MAMDC2: variants seen among roughly 807,000 people sequenced by gnomAD.
MAMDC2 encodes the protein MAM domain-containing protein 2.
In MAMDC2, 57 loss-of-function variants were observed where a neutral mutation model predicts 89.8. The ratio of observed to expected loss-of-function variants is 0.63; its 90% confidence interval spans 0.51 to 0.79. The LOEUF is 0.79. Among genes scored for constraint, MAMDC2 ranks in the 30% least tolerant of loss-of-function variants. The probability of loss-of-function intolerance (pLI) is 0.00; values close to 1 mark genes in which losing one functional copy is unlikely to be tolerated. For synonymous variants in MAMDC2, 313 were observed against 293.4 expected, an observed-to-expected ratio of 1.07 and a Z score of -0.68; for missense variants, 800 against 820.6, an observed-to-expected ratio of 0.97 and a Z score of 0.31.
At chr9:70,221,725 G>A (rs890736632) in intron 12 of MAMDC2, among the ~76,000 whole-genome samples, 5 of 151,984 alleles carry the variant, frequency 3.3e-5, no homozygotes, top group African/African-American at 1.2e-4. Context: ...CATTTTGTGT[G>A]TGTGTGTGTG....
chr9:70,197,609 A>G (rs546366558), intron 11 of MAMDC2, among the ~76,000 whole-genome samples: 3 of 152,156 alleles, frequency 2.0e-5, no homozygotes, highest in Admixed American at 6.6e-5. Context: ...ACGCAGCATT[A>G]AAGTCACCGG....
intron 4 of MAMDC2, among the ~76,000 whole-genome samples, chr9:70,112,231 G>A (rs1828529677): frequency 6.6e-6 from 1 of 152,148 alleles, no homozygotes; most frequent in Admixed American, 6.5e-5. Flanking sequence ...ATTAGCTTGT[G>A]GGTTTCTTGC....
At chr9:70,159,888 A>G (rs2031904994) in intron 9 of MAMDC2, among the ~76,000 whole-genome samples, 1 of 152,094 alleles carries the variant, frequency 6.6e-6, no homozygotes, top group Non-Finnish European at 1.5e-5. Context: ...TTTTTACACA[A>G]AATCACAGGC....
At chr9:70,187,476 A>C (rs2032782492) in intron 11 of MAMDC2, among the ~76,000 whole-genome samples, 1 of 152,116 alleles carries the variant, frequency 6.6e-6, no homozygotes, top group African/African-American at 2.4e-5. Flanking sequence ...ATTCCAAATA[A>C]TTCATTTTTT....
At chr9:70,183,811 G>T (rs1293806011) in intron 11 of MAMDC2, among the ~76,000 whole-genome samples, 1 of 152,096 alleles carries the variant, frequency 6.6e-6, no homozygotes, top group Non-Finnish European at 1.5e-5. Flanking sequence ...TTGCCAGTCT[G>T]TGTCTTTTAA....
At chr9:70,089,422 A>AT (rs1460932319) in intron 2 of MAMDC2, among the ~76,000 whole-genome samples, 2 of 152,088 alleles carry the variant, frequency 1.3e-5, no homozygotes, top group Non-Finnish European at 2.9e-5. Flanking sequence ...GCATATTTGA[A>AT]TTTTTTGCAT....
At chr9:70,123,396 C>T (rs1183033167) in intron 5 of MAMDC2, among the ~76,000 whole-genome samples, 1 of 152,100 alleles carries the variant, frequency 6.6e-6, no homozygotes, top group African/African-American at 2.4e-5. Flanking sequence ...ACCTTCCCTC[C>T]ATATCAGAGG....
chr9:70,222,050 C>CA (rs2033575300), intron 12 of MAMDC2, among the ~76,000 whole-genome samples: 1 of 152,004 alleles, frequency 6.6e-6, no homozygotes, highest in Non-Finnish European at 1.5e-5. Context: ...GTAGCCCTGG[C>CA]AAGAGGAGTG....
At chr9:70,077,826 C>T (rs1429648557) in intron 2 of MAMDC2, among the ~76,000 whole-genome samples, 1 of 152,104 alleles carries the variant, frequency 6.6e-6, no homozygotes, top group Non-Finnish European at 1.5e-5. Context: ...TGTGTTGGTC[C>T]ATTTGCAAGA....
At chr9:70,163,212 A>AAGGCTTCT (rs2032040215) in intron 9 of MAMDC2, among the ~76,000 whole-genome samples, 1 of 148,594 alleles carries the variant, frequency 6.7e-6, no homozygotes, top group Non-Finnish European at 1.5e-5. Context: ...CCAGGGCTTC[A>AAGGCTTCT]GGATATTTCT....
chr9:70,142,072 G>C (rs1385719868), intron 8 of MAMDC2, among the ~76,000 whole-genome samples: 1 of 152,114 alleles, frequency 6.6e-6, no homozygotes, highest in Non-Finnish European at 1.5e-5. Flanking sequence ...CATAGTTTGG[G>C]GTGGCATGTT....
intron 11 of MAMDC2, among the ~76,000 whole-genome samples, chr9:70,175,004 G>A (rs1264949629): frequency 6.6e-6 from 1 of 152,132 alleles, no homozygotes; most frequent in Non-Finnish European, 1.5e-5. Flanking sequence ...GGGATTATAG[G>A]CATGAGCCAC....
intron 6 of MAMDC2, among the ~76,000 whole-genome samples, chr9:70,130,240 C>A (rs116551870): frequency 6.6e-6 from 1 of 151,950 alleles, no homozygotes; most frequent in African/African-American, 2.4e-5. Flanking sequence ...TGCAGGGGGA[C>A]GCAGGTCAAC....
chr9:70,044,785 G>A, intron 2 of MAMDC2, 88 bp downstream of exon 2: 2 of 957,788 alleles, frequency 2.1e-6, no homozygotes, highest in Non-Finnish European at 3.2e-6. Context: ...TGTTATCTTG[G>A]AGTTAATTCT....
chr9:70,112,761 G>A (rs1828542888), intron 4 of MAMDC2, among the ~76,000 whole-genome samples: 1 of 152,134 alleles, frequency 6.6e-6, no homozygotes, highest in Non-Finnish European at 1.5e-5. Flanking sequence ...CAAGTGACAT[G>A]GCTAATAAGT....
intron 2 of MAMDC2, among the ~76,000 whole-genome samples, chr9:70,056,349 G>T (rs1004959474): frequency 2.6e-5 from 4 of 152,214 alleles, no homozygotes; most frequent in Admixed American, 2.0e-4. Context: ...TTTATGGAAA[G>T]AAACTCTGGT....
At chr9:70,131,423 T>C in intron 6 of MAMDC2, 96 bp from the exon 7 acceptor site, 1 of 822,502 alleles carries the variant, frequency 1.2e-6, no homozygotes, top group Non-Finnish European at 1.9e-6. Flanking sequence ...CTTGGCTTCA[T>C]CTGGTTTGAT....
chr9:70,170,372 C>A (rs995678319), intron 10 of MAMDC2, 107 bp from the exon 11 acceptor site: 2 of 1,291,412 alleles, frequency 1.5e-6, no homozygotes, highest in Non-Finnish European at 1.0e-6. Context: ...GCCTCTCCAT[C>A]GCATGGCATA....
At position 70,218,418 on chromosome 9, in the gene MAMDC2, CT is replaced by C. The variant is rs1333010743; in HGVS notation, c.1734del (p.Gly579GlufsTer5). On this transcript the variant is annotated frameshift_variant, in exon 12 of 14. Coordinates refer to ENST00000377182, the MANE Select transcript of MAMDC2 (RefSeq NM_153267.5). LOFTEE classifies it high-confidence loss of function. ...RLLSRPLRGVSGKHCLTFFYH... is the reference protein window; with the variant it reads ...RLLSRPLRGVXGKHCLTFFYH... ...TTGTCCAGGCCTCTGCGAGGAGTCT[CT>C]GGAAAACACTGCTTGACCTTTTTCT... 1 of 1,614,222 alleles carries C rather than the reference CT, an allele frequency of 6.2e-7. No individual in the cohort carries two copies. Among genetic ancestry groups the C allele is most frequent in the Non-Finnish European group, 8.5e-7 (1 of 1,180,034 alleles).
Sources: gnomAD v4.1 joint callset for allele counts (sites outside exome capture counted in the v4.1 genomes callset) on GRCh38, gnomAD v4.1.1 for gene constraint, MANE v1.5 for transcripts, NCBI Gene and HGNC (gene_info 2026-07-23, HGNC 2026-07-21) for gene names.